Variants in ITPR2 observed in about 807,000 individuals in gnomAD.
ITPR2 encodes the protein inositol 1,4,5-trisphosphate-gated calcium channel ITPR2.
In ITPR2, 207 loss-of-function variants were observed where a neutral mutation model predicts 317.1. That is an observed-to-expected ratio of 0.65 (90% CI 0.58 to 0.73). ITPR2 has a LOEUF of 0.73. ITPR2 is among the 30% of genes least tolerant of loss of function. ITPR2 has a pLI of 0.00. For synonymous variants in ITPR2, 1,156 were observed against 1,149.1 expected (o/e 1.01, Z -0.12); for missense variants, 2,613 against 3,284.0 (o/e 0.80, Z 4.99).
chr12:26,376,957 G>A (rs1939365086), intron 55 of ITPR2, among the ~76,000 whole-genome samples: 1 of 152,126 alleles, frequency 6.6e-6, no homozygotes, highest in Non-Finnish European at 1.5e-5. Context: ...TCCAACTCCT[G>A]ACCTCAGGTG....
chr12:26,553,092 A>G (rs1944568682), intron 36 of ITPR2, among the ~76,000 whole-genome samples: 1 of 152,228 alleles, frequency 6.6e-6, no homozygotes, highest in Non-Finnish European at 1.5e-5. Context: ...CCTCACTATG[A>G]GATGCACTCT....
In ITPR2 at chr12:26,483,682, G is replaced by A. The variant is rs756366200; in HGVS notation, c.6012+16C>T. On this transcript the variant is annotated intron_variant, in intron 42 of 56. Transcript: ENST00000381340. Reference sequence around the variant, plus strand: ...ATTAATCCCTTTACTAATTAGTCATGGATACTTCTGGTTACCTGATTTTCA... The same window carrying A: ...ATTAATCCCTTTACTAATTAGTCATAGATACTTCTGGTTACCTGATTTTCA... 3 of 1,591,090 alleles carry A rather than the reference G, an allele frequency of 1.9e-6. No homozygotes were observed. Among genetic ancestry groups the A allele is most frequent in the Non-Finnish European group, 2.6e-6 (3 of 1,159,052 alleles).
chr12:26,631,883 T>C lies in ITPR2; in HGVS notation c.2917A>G (p.Ile973Val). Residue 973 changes from isoleucine to valine, a missense_variant, in exon 22 of 57, where the codon ATC (isoleucine) becomes GTC (valine). Physicochemically the swap from Ile to Val is conservative, Grantham distance 29. Coordinates refer to ENST00000381340, the MANE Select transcript of ITPR2 (RefSeq NM_002223.4). ...DVTVMDTKLKIIEILQFILSV... is the reference protein window; with the variant it reads ...DVTVMDTKLKVIEILQFILSV... ...CAACACACCTGCAAAATCTCAATGA[T>C]CTTCAGCTTGGTGTCCATCACAGTC... The C allele has an allele frequency of 6.2e-7, 1 of 1,613,966 alleles. No homozygotes were observed. Among genetic ancestry groups the C allele is most frequent in the Non-Finnish European group, 8.5e-7 (1 of 1,179,946 alleles).
At position 26,561,926 on chromosome 12, in the gene ITPR2, C is replaced by A; in HGVS notation, c.4657G>T (p.Val1553Leu). Reference sequence around the variant, plus strand: ...GTATTAACTTGGCTGTCCAAATCCACTGGAATGGCAATTCCACGATTTTTT... The same window carrying A: ...GTATTAACTTGGCTGTCCAAATCCAATGGAATGGCAATTCCACGATTTTTT... ...VAKNRGIAIP[V>L]DLDSQVNTLF... The change falls in exon 35 of 57, where the codon GTG (valine) becomes TTG (leucine). Residue 1553 changes from valine (V) to leucine (L), a missense_variant. Transcript: ENST00000381340. 6.6e-7 allele frequency: 1 copy of A among 1,525,886 alleles called. No homozygotes were observed. The highest frequency in any genetic ancestry group is 1.4e-5 in the African/African-American group (1 of 70,004). 94.5% of individuals were successfully genotyped at this position (1,525,886 alleles called of 1,614,324 possible).
intron 46 of ITPR2, 82 bp from the exon 47 acceptor site, chr12:26,439,401 T>TG: frequency 1.0e-6 from 1 of 1,002,952 alleles, no homozygotes; most frequent in Non-Finnish European, 1.4e-6. Flanking sequence ...ATGAGTTTAC[T>TG]GAGAATGTTT....
chr12:26,429,092 T>C (rs925300364), intron 48 of ITPR2, among the ~76,000 whole-genome samples: 3 of 152,234 alleles, frequency 2.0e-5, no homozygotes, highest in Non-Finnish European at 4.4e-5. Context: ...TTTTGTACTG[T>C]CATCAAAACC....
At chr12:26,781,764 C>A (rs936748465) in intron 2 of ITPR2, among the ~76,000 whole-genome samples, 2 of 151,944 alleles carry the variant, frequency 1.3e-5, no homozygotes, top group Admixed American at 1.3e-4. Context: ...CTGGGAAAGG[C>A]TGACCTACCC....
At chr12:26,443,243 T>C (rs920504302) in intron 46 of ITPR2, among the ~76,000 whole-genome samples, 4 of 152,202 alleles carry the variant, frequency 2.6e-5, no homozygotes, top group South Asian at 2.1e-4. Flanking sequence ...TCTATTATAA[T>C]AATCCCATCT....
At chr12:26,342,054 A>G (rs1380468461) in intron 55 of ITPR2, among the ~76,000 whole-genome samples, 1 of 152,216 alleles carries the variant, frequency 6.6e-6, no homozygotes, top group Non-Finnish European at 1.5e-5. Context: ...GGGGCCCATG[A>G]AATGCTTGCA....
intron 23 of ITPR2, chr12:26,627,474 T>A (rs1383699366): frequency 6.6e-6 from 1 of 152,424 alleles, no homozygotes; most frequent in African/African-American, 2.4e-5. Context: ...AAACAGTATG[T>A]CCCAGTCCTG....
At position 26,343,747 on chromosome 12, in the gene ITPR2, T is replaced by C. The variant is rs375376747; in HGVS notation, c.7858-3419A>G. Among the ~76,000 whole-genome samples, 5 of 151,990 alleles carry C rather than the reference T, an allele frequency of 3.3e-5. No individual in the cohort carries two copies. The East Asian group carries it at 5.8e-4, about 18-fold the overall frequency. Reference sequence around the variant, plus strand: ...GTATTAAAGGATAGGATGGGAAGGATTAGAAAAGTGCATTTTTATGGGAGG... The same window carrying C: ...GTATTAAAGGATAGGATGGGAAGGACTAGAAAAGTGCATTTTTATGGGAGG... On this transcript the variant is annotated intron_variant, in intron 55 of 56. Transcript: ENST00000381340.
chr12:26,556,479 C>A (rs1944663509), intron 35 of ITPR2, 104 bp from the exon 36 acceptor site: 1 of 1,031,872 alleles, frequency 9.7e-7, no homozygotes, highest in Non-Finnish European at 1.4e-6. Flanking sequence ...TTATAGATGC[C>A]CCTCTATTTC....
chr12:26,722,377 C>T lies in ITPR2; in HGVS notation c.525+20G>A. On this transcript the variant is annotated intron_variant, in intron 5 of 56. Transcript: ENST00000381340. ...TTCTTTATGAACCCACTATTTCCCT[C>T]TTAATTGTATATTACATACATTGTC... The T allele has an allele frequency of 1.3e-6, 2 of 1,583,006 alleles. No homozygotes were observed. Among genetic ancestry groups the T allele is most frequent in the Non-Finnish European group, 1.7e-6 (2 of 1,164,234 alleles).
intron 45 of ITPR2, among the ~76,000 whole-genome samples, chr12:26,446,229 G>C (rs1343643236): frequency 6.6e-6 from 1 of 152,132 alleles, no homozygotes; most frequent in Admixed American, 6.6e-5. Flanking sequence ...AGCCTTAAGG[G>C]TCTCCCTTAT....
At chr12:26,339,622 A>AT (rs34679762) in intron 56 of ITPR2, 139 bp from the exon 57 acceptor site, 244,421 of 615,748 alleles carry the variant, frequency 0.4, 54,150 homozygotes, top group Non-Finnish European at 0.46. Context: ...CAAAAAAGGG[A>AT]TTTTTTTAAA....
intron 34 of ITPR2, among the ~76,000 whole-genome samples, chr12:26,562,649 T>C (rs1047408284): frequency 1.3e-5 from 2 of 151,772 alleles, no homozygotes; most frequent in Admixed American, 1.3e-4. Context: ...TTCCCAGGTG[T>C]GCAGTCAACC....
intron 44 of ITPR2, among the ~76,000 whole-genome samples, chr12:26,476,380 T>C (rs183895140): frequency 1.3e-5 from 2 of 152,192 alleles, no homozygotes; most frequent in African/African-American, 4.8e-5. Context: ...ATGCCACGAG[T>C]GAGAAAGAAA....
intron 37 of ITPR2, among the ~76,000 whole-genome samples, chr12:26,512,493 A>G (rs1025751094): frequency 2.6e-5 from 4 of 152,230 alleles, no homozygotes; most frequent in African/African-American, 9.6e-5. Context: ...TAAATCGTGT[A>G]TCGAGTGAAA....
chr12:26,673,448 T>A (rs1293217247), intron 13 of ITPR2, among the ~76,000 whole-genome samples: 1 of 152,108 alleles, frequency 6.6e-6, no homozygotes, highest in Non-Finnish European at 1.5e-5. Context: ...AAAAACCACA[T>A]GACTATCTCA....
Sources: allele counts gnomAD v4.1 joint callset (sites outside exome capture counted in the v4.1 genomes callset), GRCh38; gene constraint gnomAD v4.1.1; transcripts MANE v1.5; gene names NCBI Gene and HGNC (gene_info 2026-07-23, HGNC 2026-07-21).